Variants in ROBO2 observed in about 807,000 individuals in gnomAD.
ROBO2 encodes the protein roundabout guidance receptor 2, also known as roundabout homolog 2.
In ROBO2, 53 loss-of-function variants were observed where a neutral mutation model predicts 160.8. That is an observed-to-expected ratio of 0.33 (90% CI 0.26 to 0.41). ROBO2 has a LOEUF of 0.41. Among genes scored for constraint, ROBO2 ranks in the 10% least tolerant of loss-of-function variants. The probability of loss-of-function intolerance (pLI) is 1.00; values close to 1 mark genes in which losing one functional copy is unlikely to be tolerated. For synonymous variants in ROBO2, 664 were observed against 611.7 expected (o/e 1.09, Z -1.26); for missense variants, 1,577 against 1,722.4 (o/e 0.92, Z 1.49).
At chr3:76,662,367 A>C (rs900632070) in intron 2 of ROBO2, among the ~76,000 whole-genome samples, 31 of 152,226 alleles carry the variant, frequency 2.0e-4, no homozygotes, top group African/African-American at 7.5e-4. Context: ...TAGTAGGTGT[A>C]TATATTTATG....
chr3:76,991,710 G>T (rs1398358857), intron 2 of ROBO2, among the ~76,000 whole-genome samples: 1 of 152,152 alleles, frequency 6.6e-6, no homozygotes, highest in East Asian at 1.9e-4. Context: ...GATGTGTTGT[G>T]CATAGCATGA....
chr3:76,426,511 A>G (rs1383800525), intron 2 of ROBO2, among the ~76,000 whole-genome samples: 1 of 152,266 alleles, frequency 6.6e-6, no homozygotes, highest in East Asian at 1.9e-4. Flanking sequence ...AAAAAATAAA[A>G]TGATCCTTTT....
At chr3:76,496,081 C>T (rs1016976882) in intron 2 of ROBO2, among the ~76,000 whole-genome samples, 2 of 152,134 alleles carry the variant, frequency 1.3e-5, no homozygotes. Context: ...CTTCAACAAG[C>T]CCTCAATTTT....
intron 2 of ROBO2, among the ~76,000 whole-genome samples, chr3:77,138,354 A>G (rs1350512861): frequency 6.6e-6 from 1 of 152,186 alleles, no homozygotes; most frequent in African/African-American, 2.4e-5. Context: ...TTGTTAATTT[A>G]CCAAACTACT....
intron 2 of ROBO2, among the ~76,000 whole-genome samples, chr3:76,562,004 A>G (rs1560152586): frequency 6.6e-6 from 1 of 152,096 alleles, no homozygotes; most frequent in Non-Finnish European, 1.5e-5. Context: ...AGAGGGCAAC[A>G]TCTGCCCCTG....
intron 1 of ROBO2, among the ~76,000 whole-genome samples, chr3:77,048,179 A>G (rs1312989731): frequency 8.5e-5 from 13 of 152,228 alleles, no homozygotes; most frequent in Non-Finnish European, 1.8e-4. Context: ...GAAAATAACT[A>G]GAAGAGGACT....
At chr3:76,601,416 A>T (rs2218641) in intron 2 of ROBO2, among the ~76,000 whole-genome samples, 125,583 of 152,148 alleles carry the variant, frequency 0.83, 52,975 homozygotes, top group Middle Eastern at 0.96. Flanking sequence ...AGCAAACTTT[A>T]GCCTGGGCAT....
In ROBO2 at chr3:77,595,122, CT is replaced by C. The variant is rs778052474; in HGVS notation, c.2684-13del. The C allele has an allele frequency of 1.3e-5, 21 of 1,602,592 alleles. No individual in the cohort carries two copies. The highest frequency in any genetic ancestry group is 1.2e-4 in the Admixed American group (7 of 59,908). On this transcript the variant is annotated intron_variant, in intron 17 of 25. Coordinates refer to ENST00000461745, the Ensembl canonical transcript of ROBO2. ...TGACTACTTGTGTGTGCATGTCTTC[CT>C]TTTTTTCTTTTTTCATAGTTACGTT...
rs901483325 is a variant in ROBO2, at chr3:77,015,696, T to C, written c.110-82318T>C. ...TACAAATGCTTTAAAATGCATCTGCTATGACTGAAAAGAAGGGCTATTCAA... is the reference window on the plus strand; with the variant it reads ...TACAAATGCTTTAAAATGCATCTGCCATGACTGAAAAGAAGGGCTATTCAA... On this transcript the variant is annotated intron_variant, in intron 2 of 26. Coordinates refer to the ROBO2 transcript ENST00000487694. Among the ~76,000 whole-genome samples the C allele has an allele frequency of 7.9e-5, 12 of 152,152 alleles. 1 individual carries two copies. The highest frequency in any genetic ancestry group is 7.9e-4 in the Admixed American group (12 of 15,282).
intron 2 of ROBO2, among the ~76,000 whole-genome samples, chr3:76,092,115 C>T (rs1357057927): frequency 2.6e-5 from 4 of 152,064 alleles, no homozygotes; most frequent in Admixed American, 6.6e-5. Flanking sequence ...CTCTGACAAA[C>T]GTACCTGATG....
intron 2 of ROBO2, among the ~76,000 whole-genome samples, chr3:77,346,908 T>G (rs2067714463): frequency 6.6e-6 from 1 of 152,158 alleles, no homozygotes; most frequent in Non-Finnish European, 1.5e-5. Flanking sequence ...AGGGCCCATG[T>G]TATTAGATTG....
At chr3:76,671,682 A>G (rs1016757824) in intron 2 of ROBO2, among the ~76,000 whole-genome samples, 16 of 152,158 alleles carry the variant, frequency 1.1e-4, no homozygotes, top group African/African-American at 3.6e-4. Context: ...ATATTAAAAC[A>G]TAAGTATATA....
chr3:75,927,616 C>T (rs996327753), intron 1 of ROBO2, among the ~76,000 whole-genome samples: 1 of 152,168 alleles, frequency 6.6e-6, no homozygotes, highest in Non-Finnish European at 1.5e-5. Flanking sequence ...ATATGTTCCA[C>T]ACAGAATGCA....
chr3:77,473,440 C>CTTTTTTTTTTT lies in ROBO2; in HGVS notation c.389-3947_389-3937dup, dbSNP rs71104688. On this transcript the variant is annotated intron_variant, in intron 2 of 25. Transcript: ENST00000461745. The stretch of plus-strand genomic sequence containing the variant: ...CTGCAGTTCGATTTTACAAACTGCT[C>CTTTTTTTTTTT]TTTTTTTTTTTTTTTTTTTTTTTTT... Among the ~76,000 whole-genome samples the CTTTTTTTTTTT allele has an allele frequency of 2.7e-4, 21 of 77,932 alleles. 2 individuals carry two copies. The highest frequency in any genetic ancestry group is 6.5e-4 in the African/African-American group (14 of 21,500). The allele number at this position is 77,932 out of a possible 152,430, so 51.1% of individuals were successfully genotyped here.
intron 2 of ROBO2, among the ~76,000 whole-genome samples, chr3:76,217,726 C>T (rs1421238000): frequency 2.6e-5 from 4 of 152,134 alleles, no homozygotes; most frequent in Non-Finnish European, 4.4e-5. Flanking sequence ...GGAATTCTAC[C>T]AGAGGTACAA....
intron 2 of ROBO2, among the ~76,000 whole-genome samples, chr3:77,443,590 T>G (rs998914796): frequency 6.6e-6 from 1 of 152,182 alleles, no homozygotes; most frequent in Admixed American, 6.5e-5. Flanking sequence ...TCTACTAAAA[T>G]TGCATTTTAT....
At chr3:76,233,387 G>T (rs1470473125) in intron 2 of ROBO2, among the ~76,000 whole-genome samples, 1 of 151,992 alleles carries the variant, frequency 6.6e-6, no homozygotes, top group African/African-American at 2.4e-5. Flanking sequence ...GAGGTGATCC[G>T]CCTGCCTCGG....
chr3:76,195,902 C>A (rs574753717), intron 2 of ROBO2, among the ~76,000 whole-genome samples: 99 of 151,998 alleles, frequency 6.5e-4, no homozygotes, highest in Middle Eastern at 3.4e-3. Flanking sequence ...GTCTTAGCCA[C>A]ATCCTTAGTT....
chr3:76,105,036 A>T (rs2069859601), intron 2 of ROBO2, among the ~76,000 whole-genome samples: 1 of 152,168 alleles, frequency 6.6e-6, no homozygotes, highest in Non-Finnish European at 1.5e-5. Context: ...GGGTAAAGAG[A>T]AAAGCAAGAG....
Sources: allele counts gnomAD v4.1 joint callset (sites outside exome capture counted in the v4.1 genomes callset), GRCh38; gene constraint gnomAD v4.1.1; transcripts MANE v1.5; gene names NCBI Gene and HGNC (gene_info 2026-07-23, HGNC 2026-07-21).